DERA: variants seen among roughly 807,000 people sequenced by gnomAD.
DERA encodes 2-deoxy-D-ribose 5-phosphate aldolase.
Under a neutral mutation model 41.1 loss-of-function variants are expected in DERA, and 15 were observed. The ratio of observed to expected loss-of-function variants is 0.37; its 90% confidence interval spans 0.24 to 0.56. DERA has a LOEUF of 0.56. Among genes scored for constraint, DERA ranks in the 20% least tolerant of loss-of-function variants. The probability of loss-of-function intolerance (pLI) is 0.81; values close to 1 mark genes in which losing one functional copy is unlikely to be tolerated. For synonymous variants in DERA, 139 were observed against 137.4 expected (o/e 1.01, Z -0.08); for missense variants, 396 against 403.4 (o/e 0.98, Z 0.16).
At chr12:16,025,727 C>T (rs1393509289) in intron 6 of DERA, among the ~76,000 whole-genome samples, 2 of 152,126 alleles carry the variant, frequency 1.3e-5, no homozygotes, top group South Asian at 2.1e-4. Context: ...TTATAGAAAA[C>T]TTCATCCAAC....
chr12:15,922,516 A>G lies in DERA; in HGVS notation c.31+11102A>G, dbSNP rs987284404. Among the ~76,000 whole-genome samples the G allele has an allele frequency of 6.6e-6, 1 of 152,228 alleles. No homozygotes were observed. The highest frequency in any genetic ancestry group is 1.5e-5 in the Non-Finnish European group (1 of 68,044). Reference sequence around the variant, plus strand: ...TTGGGACACAGTGATTAGCATGTAGAGTCTAGAAAATAGGCATTGATGCTG... The same window carrying G: ...TTGGGACACAGTGATTAGCATGTAGGGTCTAGAAAATAGGCATTGATGCTG... On this transcript the variant is annotated intron_variant, in intron 1 of 8. Transcript: ENST00000428559. This position sits in a 1 kb window ranked among gnomAD's most constrained non-coding sequence, Gnocchi z 4.9.
chr12:15,941,545 A>G lies in DERA; in HGVS notation c.32-15391A>G, dbSNP rs1265421009. Reference sequence around the variant, plus strand: ...ACCCCTCCCTATTCTCTCCCGCTGAATCCTCAGAGTTCGCTATATCATCCT... The same window carrying G: ...ACCCCTCCCTATTCTCTCCCGCTGAGTCCTCAGAGTTCGCTATATCATCCT... On this transcript the variant is annotated intron_variant, in intron 1 of 8. Coordinates refer to ENST00000428559, the MANE Select transcript of DERA (RefSeq NM_015954.4). The surrounding 1 kb of genome is among the most constrained non-coding windows in gnomAD (Gnocchi z 4.5). 6.6e-6 allele frequency among the ~76,000 whole-genome samples: 1 copy of G among 152,068 alleles called. No homozygotes were observed. The highest frequency in any genetic ancestry group is 1.5e-5 in the Non-Finnish European group (1 of 68,008).
rs1216663805 is a variant in DERA at position 16,017,686 on chromosome 12, A to G, written c.638-14856A>G. Among the ~76,000 whole-genome samples, 1 of 152,212 alleles carries G rather than the reference A, an allele frequency of 6.6e-6. No homozygotes were observed. Among genetic ancestry groups the G allele is most frequent in the East Asian group, 1.9e-4 (1 of 5,196 alleles). On this transcript the variant is annotated intron_variant, in intron 6 of 8. Coordinates refer to ENST00000428559, the MANE Select transcript of DERA (RefSeq NM_015954.4). The surrounding 1 kb of genome is among the most constrained non-coding windows in gnomAD (Gnocchi z 5.5). ...GAAGACTTTTAATTTGAGGGCTTAT[A>G]TCTTTGCATACCCTGCTTAATTTTT...
chr12:15,964,308 T>C (rs1013761827), intron 5 of DERA, among the ~76,000 whole-genome samples: 1 of 152,188 alleles, frequency 6.6e-6, no homozygotes, highest in South Asian at 2.1e-4. Flanking sequence ...AATAGAGTTT[T>C]TAGCTTGGAA....
chr12:15,994,620 A>G lies in DERA; in HGVS notation c.637+12184A>G, dbSNP rs1051990823. ...AGGCGCCTGCAACCACGCCTGGCTA[A>G]TTTTTTGTATTTTTAGTAGAGACGG... On this transcript the variant is annotated intron_variant, in intron 6 of 8. Coordinates refer to ENST00000428559, the MANE Select transcript of DERA (RefSeq NM_015954.4). The surrounding 1 kb of genome is among the most constrained non-coding windows in gnomAD (Gnocchi z 4.8). 1.3e-5 allele frequency among the ~76,000 whole-genome samples: 2 copies of G among 152,024 alleles called. No individual in the cohort carries two copies. The highest frequency in any genetic ancestry group is 1.5e-5 in the Non-Finnish European group (1 of 68,010).
rs1332346467 is a variant in DERA at position 15,990,642 on chromosome 12, C to T, written c.637+8206C>T. Among the ~76,000 whole-genome samples the T allele has an allele frequency of 6.6e-6, 1 of 152,074 alleles. No homozygotes were observed. The highest frequency in any genetic ancestry group is 2.4e-5 in the African/African-American group (1 of 41,422). On this transcript the variant is annotated intron_variant, in intron 6 of 8. Transcript: ENST00000428559. This position sits in a 1 kb window ranked among gnomAD's most constrained non-coding sequence, Gnocchi z 4.3. ...AAAAGACCCCAGTGTCTGTTATTCTCCTTGATGTGTCTATGTGTTGTCATC... is the reference window on the plus strand; with the variant it reads ...AAAAGACCCCAGTGTCTGTTATTCTTCTTGATGTGTCTATGTGTTGTCATC...
intron 1 of DERA, among the ~76,000 whole-genome samples, chr12:15,920,273 G>C (rs889221607): frequency 2.0e-5 from 3 of 152,132 alleles, no homozygotes; most frequent in African/African-American, 4.8e-5. Flanking sequence ...TAGCAGAAAG[G>C]CATGTTTGTT....
rs972356658 is a variant in DERA, at chr12:15,931,322, A to T, written c.31+19908A>T. Among the ~76,000 whole-genome samples, 1 of 152,204 alleles carries T rather than the reference A, an allele frequency of 6.6e-6. No homozygotes were observed. The highest frequency in any genetic ancestry group is 1.5e-5 in the Non-Finnish European group (1 of 68,026). On this transcript the variant is annotated intron_variant, in intron 1 of 8. Coordinates refer to ENST00000428559, the MANE Select transcript of DERA (RefSeq NM_015954.4). This position sits in a 1 kb window ranked among gnomAD's most constrained non-coding sequence, Gnocchi z 4.6. ...GAAAGTTCTTCATCTAGTAGTTTTC[A>T]TTGAGAGGAAAGAGTTAAGTGGATT...
chr12:15,980,505 A>G (rs1389297327), intron 5 of DERA, among the ~76,000 whole-genome samples: 3 of 152,146 alleles, frequency 2.0e-5, no homozygotes, highest in Admixed American at 6.5e-5. Flanking sequence ...ATGTCATTCC[A>G]TCCAATTCAT....
intron 1 of DERA, among the ~76,000 whole-genome samples, chr12:15,932,476 C>T (rs1030720687): frequency 6.6e-6 from 1 of 151,830 alleles, no homozygotes; most frequent in Non-Finnish European, 1.5e-5. Flanking sequence ...ATGACAAAAC[C>T]CCATCTCCAT....
intron 6 of DERA, among the ~76,000 whole-genome samples, chr12:15,991,072 C>T (rs1459910488): frequency 6.6e-6 from 1 of 152,108 alleles, no homozygotes; most frequent in Non-Finnish European, 1.5e-5. Context: ...ACACTCCCAC[C>T]AACAGTGTAA....
rs1041703422 is a variant in DERA, at chr12:15,965,910, T to C, written c.508+2963T>C. 2.0e-5 allele frequency among the ~76,000 whole-genome samples: 3 copies of C among 152,158 alleles called. No individual in the cohort carries two copies. The highest frequency in any genetic ancestry group is 6.5e-5 in the Admixed American group (1 of 15,276). ...CCCCCTGCATTTTCAGAAGCCCTGC[T>C]CTATCTATTGGGCATTCTTTCTTCC... On this transcript the variant is annotated intron_variant, in intron 5 of 8. Coordinates refer to ENST00000428559, the MANE Select transcript of DERA (RefSeq NM_015954.4). This position sits in a 1 kb window ranked among gnomAD's most constrained non-coding sequence, Gnocchi z 4.1.
In DERA at chr12:15,989,065, G is replaced by A. The variant is rs1387571361; in HGVS notation, c.637+6629G>A. On this transcript the variant is annotated intron_variant, in intron 6 of 8. Transcript: ENST00000428559. The surrounding 1 kb of genome is among the most constrained non-coding windows in gnomAD (Gnocchi z 5.2). ...ACCAGGTACTTCTGAGCCTGCAGGGGTAGAGGGCTTCCCAGGCTTCTAAGA... is the reference window on the plus strand; with the variant it reads ...ACCAGGTACTTCTGAGCCTGCAGGGATAGAGGGCTTCCCAGGCTTCTAAGA... 6.6e-6 allele frequency among the ~76,000 whole-genome samples: 1 copy of A among 152,214 alleles called. No homozygotes were observed. The highest frequency in any genetic ancestry group is 1.5e-5 in the Non-Finnish European group (1 of 68,016).
At chr12:15,949,879 C>T (rs1395126321) in intron 1 of DERA, among the ~76,000 whole-genome samples, 2 of 152,256 alleles carry the variant, frequency 1.3e-5, no homozygotes, top group Non-Finnish European at 2.9e-5. Context: ...TGCCGGTTGC[C>T]ACTGACAAAA....
Position 16,014,157 on chromosome 12 carries a change from A to C in DERA, c.638-18385A>C, listed in dbSNP as rs1243832797. On this transcript the variant is annotated intron_variant, in intron 6 of 8. Coordinates refer to ENST00000428559, the MANE Select transcript of DERA (RefSeq NM_015954.4). The surrounding 1 kb of genome is among the most constrained non-coding windows in gnomAD (Gnocchi z 5.4). ...AGAAAATTTGCAGCCTGATGATGTG[A>C]TAGAAAAAAACCCACTTTCTGAGGA... Among the ~76,000 whole-genome samples the C allele has an allele frequency of 1.3e-5, 2 of 152,196 alleles. No homozygotes were observed. Among genetic ancestry groups the C allele is most frequent in the Non-Finnish European group, 1.5e-5 (1 of 68,034 alleles).
chr12:16,010,485 C>T lies in DERA; in HGVS notation c.638-22057C>T. On this transcript the variant is annotated intron_variant, in intron 6 of 8. Coordinates refer to ENST00000428559, the MANE Select transcript of DERA (RefSeq NM_015954.4). This position sits in a 1 kb window ranked among gnomAD's most constrained non-coding sequence, Gnocchi z 5.5. ...GTTTTCCGAGTTCTGCTGCTTTCCC[C>T]TTTGCCAGCATATACTGCTTTTGTT... Among the ~76,000 whole-genome samples, 1 of 151,752 alleles carries T rather than the reference C, an allele frequency of 6.6e-6. No homozygotes were observed. The highest frequency in any genetic ancestry group is 2.4e-5 in the African/African-American group (1 of 41,366).
In DERA at chr12:16,035,527, C is replaced by T. The variant is rs139216833; in HGVS notation, c.751-705C>T. 4.6e-5 allele frequency among the ~76,000 whole-genome samples: 7 copies of T among 152,258 alleles called. No individual in the cohort carries two copies. The highest frequency in any genetic ancestry group is 1.9e-4 in the East Asian group (1 of 5,182). On this transcript the variant is annotated intron_variant, in intron 7 of 8. Transcript: ENST00000428559. This position sits in a 1 kb window ranked among gnomAD's most constrained non-coding sequence, Gnocchi z 4.1. ...CTAATGGATCCAGGGACATCATTTA[C>T]GAATATCAGATATTGGCTGAATTCA...
In DERA at chr12:15,984,641, T is replaced by C. The variant is rs985927676; in HGVS notation, c.637+2205T>C. On this transcript the variant is annotated intron_variant, in intron 6 of 8. Transcript: ENST00000428559. The surrounding 1 kb of genome is among the most constrained non-coding windows in gnomAD (Gnocchi z 4.5). The stretch of plus-strand genomic sequence containing the variant: ...TCACTATTTGAACACTCTGGTCTTC[T>C]GGCTCCAGATTTATTGCTTTTTCAC... 6.6e-6 allele frequency among the ~76,000 whole-genome samples: 1 copy of C among 152,196 alleles called. No individual in the cohort carries two copies. The highest frequency in any genetic ancestry group is 2.4e-5 in the African/African-American group (1 of 41,442).
chr12:15,950,189 A>G (rs938426290), intron 1 of DERA, among the ~76,000 whole-genome samples: 1 of 152,194 alleles, frequency 6.6e-6, no homozygotes, highest in South Asian at 2.1e-4. Context: ...AAAGTAAGGG[A>G]ATAAAAGAAT....
Sources: allele counts gnomAD v4.1 joint callset (sites outside exome capture counted in the v4.1 genomes callset), GRCh38; gene constraint gnomAD v4.1.1; non-coding constraint Gnocchi (gnomAD v3.1); transcripts MANE v1.5; gene names NCBI Gene and HGNC (gene_info 2026-07-23, HGNC 2026-07-21).